STAC: variants seen among roughly 807,000 people sequenced by gnomAD.
STAC encodes SH3 and cysteine-rich domain-containing protein.
STAC carries 43 observed loss-of-function variants against 48.8 expected under a neutral mutation model. The observed-to-expected ratio is 0.88, with a 90% CI of 0.69 to 1.14. The LOEUF (loss-of-function observed/expected upper bound fraction) is 1.14. Ranked by LOEUF, STAC falls within the 50% of genes most tolerant of loss-of-function variation. STAC has a pLI of 0.00. For missense variants in STAC, 497 were observed against 504.0 expected, an observed-to-expected ratio of 0.99 and a Z score of 0.13; for synonymous variants, 193 against 179.5, an observed-to-expected ratio of 1.07 and a Z score of -0.60.
chr3:36,420,832 T>C (rs968809901), intron 1 of STAC, among the ~76,000 whole-genome samples: 5 of 152,262 alleles, frequency 3.3e-5, no homozygotes, highest in Admixed American at 1.3e-4. Flanking sequence ...GTATTTGTGA[T>C]GAGTTAATTT....
At chr3:36,497,731 AAGAC>A (rs1449274872) in intron 6 of STAC, among the ~76,000 whole-genome samples, 2 of 152,106 alleles carry the variant, frequency 1.3e-5, no homozygotes, top group South Asian at 2.1e-4. Context: ...GAAAGAAAGA[AAGAC>A]AGGCAGAAAA....
rs746240604 is a variant in STAC at position 36,546,236 on chromosome 3, C to T, written c.1156C>T (p.Leu386Phe). The T allele has an allele frequency of 6.2e-7, 1 of 1,614,012 alleles. No individual in the cohort carries two copies. Among genetic ancestry groups the T allele is most frequent in the Non-Finnish European group, 8.5e-7 (1 of 1,179,952 alleles). The stretch of plus-strand genomic sequence containing the variant: ...AGAACAAGATGGTTTTATCAGAGTC[C>T]TCAGTGGAAAAAAGAAAGGCCTCAT... ...EEEQDGFIRV[L>F]SGKKKGLIPL... is the part of the protein sequence containing the mutation. Residue 386 changes from leucine (L) to phenylalanine (F), a missense_variant, in exon 11 of 11, where the codon CTC becomes TTC. Physicochemically the swap from Leu to Phe is conservative, Grantham distance 22. Transcript: ENST00000273183.
chr3:36,490,377 G>C (rs1171620069), intron 5 of STAC, among the ~76,000 whole-genome samples: 2 of 152,174 alleles, frequency 1.3e-5, no homozygotes, highest in Non-Finnish European at 2.9e-5. Context: ...ACTGTTTGTA[G>C]ATGCCACCCA....
Position 36,380,574 on chromosome 3 carries a change from C to T in STAC, c.-70C>T, listed in dbSNP as rs935932440. 3.9e-6 allele frequency: 5 copies of T among 1,280,334 alleles called. No homozygotes were observed. The highest frequency in any genetic ancestry group is 2.0e-5 in the Admixed American group (1 of 50,106). 79.3% of individuals were successfully genotyped at this position (1,280,334 alleles called of 1,614,324 possible). A position where few individuals can be genotyped will look rare whatever the true frequency, so the allele number is the denominator to read the frequency against. ...CGGAGCTGAGCAGCCTGGCGCGCGGCGGGCAGGGCGCGCAGGACAGAAGCC... is the reference window on the plus strand; with the variant it reads ...CGGAGCTGAGCAGCCTGGCGCGCGGTGGGCAGGGCGCGCAGGACAGAAGCC... On this transcript the variant is annotated 5_prime_UTR_variant, in exon 1 of 11. Coordinates refer to ENST00000273183, the MANE Select transcript of STAC (RefSeq NM_003149.3).
intron 1 of STAC, among the ~76,000 whole-genome samples, chr3:36,392,073 T>C (rs183810501): frequency 2.6e-5 from 4 of 152,218 alleles, no homozygotes; most frequent in Admixed American, 6.5e-5. Context: ...CAGAACAAGG[T>C]GACTTGGAGA....
intron 1 of STAC, among the ~76,000 whole-genome samples, chr3:36,430,077 G>A (rs1486289241): frequency 1.3e-5 from 2 of 152,116 alleles, no homozygotes; most frequent in Non-Finnish European, 2.9e-5. Context: ...AAGATTGAAG[G>A]GATGATTCAT....
chr3:36,435,279 T>A (rs1233403807), intron 1 of STAC, among the ~76,000 whole-genome samples: 2 of 152,118 alleles, frequency 1.3e-5, no homozygotes, highest in Non-Finnish European at 2.9e-5. Flanking sequence ...GGAGACAGAC[T>A]TTTTCTCTTT....
At chr3:36,414,165 T>C (rs191442024) in intron 1 of STAC, among the ~76,000 whole-genome samples, 5 of 152,324 alleles carry the variant, frequency 3.3e-5, no homozygotes, top group Middle Eastern at 3.4e-3. Context: ...GGAGTTTCTC[T>C]TCTCAAGGAG....
At chr3:36,426,137 T>C (rs539112613) in intron 1 of STAC, among the ~76,000 whole-genome samples, 3 of 152,376 alleles carry the variant, frequency 2.0e-5, no homozygotes, top group African/African-American at 7.2e-5. Flanking sequence ...AGAGCCCTCC[T>C]GAATTGAAAA....
At chr3:36,390,778 T>G (rs1005636963) in intron 1 of STAC, among the ~76,000 whole-genome samples, 2 of 152,184 alleles carry the variant, frequency 1.3e-5, no homozygotes, top group Non-Finnish European at 2.9e-5. Context: ...TGGAACATTT[T>G]ATGGAACCCA....
At chr3:36,464,984 A>G (rs2125686937) in intron 2 of STAC, among the ~76,000 whole-genome samples, 1 of 152,242 alleles carries the variant, frequency 6.6e-6, no homozygotes, top group African/African-American at 2.4e-5. Context: ...AATAGCCAGT[A>G]CTGGGATTGC....
chr3:36,510,745 G>C (rs752405640), intron 8 of STAC, among the ~76,000 whole-genome samples: 45 of 152,034 alleles, frequency 3.0e-4, no homozygotes, highest in South Asian at 6.2e-4. Context: ...CTCATAAGTG[G>C]GAGATGAACA....
intron 6 of STAC, among the ~76,000 whole-genome samples, chr3:36,501,986 A>G (rs1488004059): frequency 6.6e-6 from 1 of 152,172 alleles, no homozygotes; most frequent in Non-Finnish European, 1.5e-5. Flanking sequence ...TATTCCAGGG[A>G]TGCAAATTTG....
At chr3:36,481,178 C>T (rs1350071136) in intron 2 of STAC, among the ~76,000 whole-genome samples, 13 of 152,076 alleles carry the variant, frequency 8.5e-5, no homozygotes, top group South Asian at 8.3e-4. Context: ...TTAAAGAGCT[C>T]GAGTATTCAA....
At chr3:36,442,957 G>A (rs1046215218) in intron 1 of STAC, among the ~76,000 whole-genome samples, 1 of 152,172 alleles carries the variant, frequency 6.6e-6, no homozygotes, top group African/African-American at 2.4e-5. Flanking sequence ...GATCATAAGA[G>A]AGAAAGGCCA....
intron 2 of STAC, among the ~76,000 whole-genome samples, chr3:36,445,655 C>T (rs1299503910): frequency 6.6e-6 from 1 of 152,208 alleles, no homozygotes; most frequent in Non-Finnish European, 1.5e-5. Flanking sequence ...AGCATTCTGT[C>T]TCCATATAGA....
At chr3:36,470,662 G>A (rs574441151) in intron 2 of STAC, among the ~76,000 whole-genome samples, 1 of 152,324 alleles carries the variant, frequency 6.6e-6, no homozygotes, top group East Asian at 1.9e-4. Flanking sequence ...CAGCTTTCCT[G>A]GTATGCTCCT....
Position 36,394,514 on chromosome 3 carries a change from G to T in STAC, c.111+13760G>T, listed in dbSNP as rs1226330304. On this transcript the variant is annotated intron_variant, in intron 1 of 10. Transcript: ENST00000273183. ...GGCTGCTGTATGCAGTGGGACTACA[G>T]CATAGCAAGAGTAAAAGTAAGGGGG... Among the ~76,000 whole-genome samples the T allele has an allele frequency of 2.6e-5, 4 of 152,286 alleles. No individual in the cohort carries two copies. In the East Asian group the frequency reaches 7.7e-4, roughly 29 times the overall value.
rs577295299 is a variant in STAC, at chr3:36,519,511, C to T, written c.921-9185C>T. Among the ~76,000 whole-genome samples, 52 of 152,250 alleles carry T rather than the reference C, an allele frequency of 3.4e-4. No individual in the cohort carries two copies. The South Asian group carries it at 0.01, about 30-fold the overall frequency. On this transcript the variant is annotated intron_variant, in intron 8 of 10. Transcript: ENST00000273183. ...CTAGGTTCATTGTTCTAAGTTTTCT[C>T]TCTGATAAAGCTGACAATTCTATTT...
Sources: allele counts gnomAD v4.1 joint callset (sites outside exome capture counted in the v4.1 genomes callset), GRCh38; gene constraint gnomAD v4.1.1; transcripts MANE v1.5; gene names NCBI Gene and HGNC (gene_info 2026-07-23, HGNC 2026-07-21).